The following WHRN variants were observed in gnomAD, a reference collection of about 807,000 sequenced individuals.
The protein encoded by WHRN is CASK-interacting protein CIP98.
A neutral mutation model predicts 68.3 loss-of-function variants in WHRN; 41 were observed. The ratio of observed to expected loss-of-function variants is 0.60; its 90% CI spans 0.47 to 0.78. WHRN has a LOEUF of 0.78. WHRN is among the 30% of genes least tolerant of loss of function. The pLI, the probability that WHRN is intolerant of heterozygous loss-of-function variation, is 0.00. For missense variants in WHRN, 1,243 were observed against 1,244.7 expected (o/e 1.00, Z 0.02); for synonymous variants, 560 against 561.3 (o/e 1.00, Z 0.03).
chr9:114,441,602 C>T (rs1838380180), intron 3 of WHRN, among the ~76,000 whole-genome samples: 1 of 152,150 alleles, frequency 6.6e-6, no homozygotes, highest in South Asian at 2.1e-4. Flanking sequence ...AGATGCATGT[C>T]AAATGGACAC....
chr9:114,405,061 T>A (rs1431871472), intron 9 of WHRN, among the ~76,000 whole-genome samples: 1 of 118,276 alleles, frequency 8.5e-6, no homozygotes, highest in Non-Finnish European at 1.8e-5. Flanking sequence ...CTACTTTCTC[T>A]CTCTCTCTCT....
chr9:114,451,036 C>G (rs1045414454), intron 3 of WHRN, among the ~76,000 whole-genome samples: 15 of 152,198 alleles, frequency 9.9e-5, no homozygotes, highest in Non-Finnish European at 5.9e-5. Flanking sequence ...TCTTGCAGAG[C>G]CCGGCTGCAA....
At chr9:114,434,343 G>A (rs948161991) in intron 3 of WHRN, among the ~76,000 whole-genome samples, 7 of 152,142 alleles carry the variant, frequency 4.6e-5, no homozygotes, top group African/African-American at 1.7e-4. Context: ...CTGAGACCCA[G>A]ACCTGCAATA....
chr9:114,479,342 T>C lies in WHRN; in HGVS notation c.619-571A>G, dbSNP rs140967224. ...TTTGATGCTGGAGGAATTAGTGTGT[T>C]CTGTGGAACTCACAGGGAGGGGACC... On this transcript the variant is annotated intron_variant, in intron 1 of 11. Coordinates refer to ENST00000362057, the MANE Select transcript of WHRN (RefSeq NM_015404.4). 7.1e-3 allele frequency among the ~76,000 whole-genome samples: 1,077 copies of C among 152,296 alleles called. 14 individuals carry two copies. Among genetic ancestry groups the C allele is most frequent in the African/African-American group, 0.024 (1,003 of 41,558 alleles).
Position 114,426,366 on chromosome 9 carries a change from G to A in WHRN, c.1011C>T (p.Ile337=), listed in dbSNP as rs1324866238. 6.2e-7 allele frequency: 1 copy of A among 1,614,100 alleles called. No homozygotes were observed. Among genetic ancestry groups the A allele is most frequent in the East Asian group, 2.2e-5 (1 of 44,886 alleles). ...LEVNGRSFLN[I]LHDEAVRLLK... is the part of the protein sequence containing the mutation. ...GCAGCCTGACAGCCTCGTCGTGTAGGATGTTGAGAAAGCTCCGCCCATTCA... is the reference window on the plus strand; with the variant it reads ...GCAGCCTGACAGCCTCGTCGTGTAGAATGTTGAGAAAGCTCCGCCCATTCA... The change falls in exon 4 of 12, where the codon ATC becomes ATT. Residue 337 remains isoleucine (I), a synonymous_variant. Coordinates refer to ENST00000362057, the MANE Select transcript of WHRN (RefSeq NM_015404.4).
At chr9:114,406,260 T>C in intron 9 of WHRN, 95 bp downstream of exon 9, 2 of 1,562,668 alleles carry the variant, frequency 1.3e-6, no homozygotes, top group South Asian at 2.2e-5. Context: ...CCTCAACAAG[T>C]AGCTGGTCCC....
At position 114,418,295 on chromosome 9, in the gene WHRN, G is replaced by A. The variant is rs564121802; in HGVS notation, c.1626+5019C>T. On this transcript the variant is annotated intron_variant, in intron 7 of 11. Transcript: ENST00000362057. ...TCTGAGACCTGCTGTGTGTGGGGGT[G>A]GGGAGAAGAGGGGTTCCCAGGAGAC... Among the ~76,000 whole-genome samples the A allele has an allele frequency of 1.5e-4, 23 of 152,264 alleles. 1 individual carries two copies. The South Asian group carries it at 4.8e-3, about 32-fold the overall frequency.
At chr9:114,502,964 A>G (rs1253577526) in intron 1 of WHRN, 1 of 186,336 alleles carries the variant, frequency 5.4e-6, no homozygotes, top group African/African-American at 2.4e-5. Context: ...CTGATGCAGT[A>G]TAAACCGATC....
intron 3 of WHRN, among the ~76,000 whole-genome samples, chr9:114,446,701 T>C (rs536363462): frequency 1.1e-4 from 17 of 152,270 alleles, no homozygotes; most frequent in African/African-American, 3.1e-4. Context: ...AAAGCTCTAG[T>C]GCAGAGCACC....
intron 3 of WHRN, among the ~76,000 whole-genome samples, chr9:114,426,828 C>G (rs947562789): frequency 6.6e-6 from 1 of 152,190 alleles, no homozygotes; most frequent in Non-Finnish European, 1.5e-5. Context: ...TTTACCTCAA[C>G]CATGCATTCT....
Position 114,403,786 on chromosome 9 carries a change from C to A in WHRN, c.2418+110G>T. 4 of 1,339,114 alleles carry A rather than the reference C, an allele frequency of 3.0e-6. No homozygotes were observed. In the South Asian group the frequency reaches 4.7e-5, roughly 16 times the overall value. 83.0% of individuals were successfully genotyped at this position (1,339,114 alleles called of 1,614,324 possible). A position where few individuals can be genotyped will look rare whatever the true frequency, so the allele number is the denominator to read the frequency against. ...CCCTCCAGTTATAGGGAGCTCACTACCTCCCTTTGTGGTCACTTGCCAAGC... is the reference window on the plus strand; with the variant it reads ...CCCTCCAGTTATAGGGAGCTCACTAACTCCCTTTGTGGTCACTTGCCAAGC... On this transcript the variant is annotated intron_variant, in intron 10 of 11. Coordinates refer to ENST00000362057, the MANE Select transcript of WHRN (RefSeq NM_015404.4).
Position 114,505,202 on chromosome 9 carries a change from C to T in WHRN, c.-401G>A. ...GGGCGCCGCAAAGCTGACCTGACTG[C>T]CCCGTCACACCATGCCCGGGGCTCC... On this transcript the variant is annotated 5_prime_UTR_variant, in exon 1 of 12. Transcript: ENST00000362057. 1 of 176,148 alleles carries T rather than the reference C, an allele frequency of 5.7e-6. No individual in the cohort carries two copies. The highest frequency in any genetic ancestry group is 1.2e-5 in the Non-Finnish European group (1 of 84,752). The allele number at this position is 176,148 out of a possible 1,614,324, so 10.9% of individuals were successfully genotyped here. A position where few individuals can be genotyped will look rare whatever the true frequency, so the allele number is the denominator to read the frequency against.
intron 1 of WHRN, among the ~76,000 whole-genome samples, chr9:114,501,739 T>G (rs907390835): frequency 6.6e-6 from 1 of 152,160 alleles, no homozygotes; most frequent in East Asian, 1.9e-4. Context: ...GCAGAAAAAC[T>G]GGTGAAATTT....
intron 1 of WHRN, among the ~76,000 whole-genome samples, chr9:114,497,355 G>A (rs1589273351): frequency 6.6e-6 from 1 of 152,162 alleles, no homozygotes; most frequent in East Asian, 1.9e-4. Context: ...AACGGGGAAG[G>A]AGCCAAAGGT....
intron 1 of WHRN, among the ~76,000 whole-genome samples, chr9:114,493,232 T>A (rs943655925): frequency 3.3e-5 from 5 of 151,576 alleles, no homozygotes; most frequent in Non-Finnish European, 7.4e-5. Context: ...ACACCTGTAG[T>A]CCCAGCTACT....
intron 2 of WHRN, among the ~76,000 whole-genome samples, chr9:114,478,157 G>A (rs1259648285): frequency 6.6e-6 from 1 of 151,998 alleles, no homozygotes; most frequent in Admixed American, 6.6e-5. Context: ...GCATGGTGGT[G>A]CACGCCTGTA....
At chr9:114,484,299 G>A (rs756586651) in intron 1 of WHRN, among the ~76,000 whole-genome samples, 5 of 152,186 alleles carry the variant, frequency 3.3e-5, no homozygotes, top group Non-Finnish European at 7.3e-5. Flanking sequence ...CTGCACGCTA[G>A]TGACTCTCCA....
At chr9:114,469,976 C>T (rs576401414) in intron 2 of WHRN, among the ~76,000 whole-genome samples, 4 of 152,220 alleles carry the variant, frequency 2.6e-5, no homozygotes, top group Admixed American at 2.0e-4. Flanking sequence ...TTTTGCATCA[C>T]GTCTCCCTTT....
chr9:114,425,318 G>C (rs555725280), intron 4 of WHRN: 40 of 613,546 alleles, frequency 6.5e-5, no homozygotes, highest in African/African-American at 6.4e-4. Context: ...ACAAGGAGTG[G>C]AGGGAAGAAA....
Sources: allele counts gnomAD v4.1 joint callset (sites outside exome capture counted in the v4.1 genomes callset), GRCh38; gene constraint gnomAD v4.1.1; transcripts MANE v1.5; gene names NCBI Gene and HGNC (gene_info 2026-07-23, HGNC 2026-07-21).